The following DOCK2 variants were observed in gnomAD, a reference collection of about 807,000 sequenced individuals.
DOCK2 encodes the protein dedicator of cytokinesis protein 2.
In DOCK2, 87 loss-of-function variants were observed where a neutral mutation model predicts 248.9. The ratio of observed to expected loss-of-function variants is 0.35; its 90% CI spans 0.29 to 0.42. The LOEUF (loss-of-function observed/expected upper bound fraction) is 0.42, where lower values mean the gene tolerates loss of function less well. Ranked by LOEUF, DOCK2 falls within the 10% of genes least tolerant of loss-of-function variation. The probability of loss-of-function intolerance (pLI) is 1.00; values close to 1 mark genes in which losing one functional copy is unlikely to be tolerated. For synonymous variants in DOCK2, 805 were observed against 821.6 expected (o/e 0.98, Z 0.35); for missense variants, 1,747 against 2,300.2 (o/e 0.76, Z 4.92).
At chr5:169,912,036 C>T (rs1476931092) in intron 27 of DOCK2, among the ~76,000 whole-genome samples, 1 of 152,150 alleles carries the variant, frequency 6.6e-6, no homozygotes, top group African/African-American at 2.4e-5. Context: ...TAACTGCGTA[C>T]CTATGCACAT....
At chr5:169,961,340 C>G (rs1175822840) in intron 27 of DOCK2, among the ~76,000 whole-genome samples, 1 of 152,232 alleles carries the variant, frequency 6.6e-6, no homozygotes, top group Non-Finnish European at 1.5e-5. Flanking sequence ...TTGAACTACA[C>G]TGAACAGAAT....
chr5:170,049,969 A>G (rs1756856574), intron 40 of DOCK2, among the ~76,000 whole-genome samples: 1 of 152,186 alleles, frequency 6.6e-6, no homozygotes, highest in Non-Finnish European at 1.5e-5. Flanking sequence ...ACACAGTGAA[A>G]CCTGAGTGAG....
intron 27 of DOCK2, among the ~76,000 whole-genome samples, chr5:169,864,055 C>T (rs193105041): frequency 2.6e-4 from 40 of 152,228 alleles, no homozygotes; most frequent in African/African-American, 9.1e-4. Flanking sequence ...CTCTAGTGTC[C>T]GTGAAGCCCT....
chr5:169,880,543 T>C (rs987781521), intron 27 of DOCK2, among the ~76,000 whole-genome samples: 2 of 152,246 alleles, frequency 1.3e-5, no homozygotes, highest in Non-Finnish European at 2.9e-5. Flanking sequence ...ACCACTTTTC[T>C]ACTATGCCAT....
At chr5:169,883,028 C>T in intron 27 of DOCK2, 1 of 1,551,566 alleles carries the variant, frequency 6.4e-7, no homozygotes, top group Non-Finnish European at 8.7e-7. Context: ...GACAGTGAGC[C>T]AAGGTCTTTG....
intron 26 of DOCK2, among the ~76,000 whole-genome samples, chr5:169,837,792 T>C (rs1769682321): frequency 6.6e-6 from 1 of 152,216 alleles, no homozygotes; most frequent in Admixed American, 6.5e-5. Context: ...CACTCTGCTA[T>C]GCAACCTCCC....
chr5:170,052,426 C>T (rs6879630), intron 41 of DOCK2, among the ~76,000 whole-genome samples: 32,493 of 152,068 alleles, frequency 0.21, 4,295 homozygotes, highest in East Asian at 0.46. Context: ...TCCTGGGACA[C>T]AACATCTCCC....
At chr5:169,904,091 C>CAAA (rs57983281) in intron 27 of DOCK2, among the ~76,000 whole-genome samples, 7,041 of 69,940 alleles carry the variant, frequency 0.1, 338 homozygotes, top group East Asian at 0.24. Flanking sequence ...GACTTCGTCT[C>CAAA]AAAAAAAAAA....
intron 29 of DOCK2, among the ~76,000 whole-genome samples, chr5:169,995,174 G>A (rs969189288): frequency 4.0e-5 from 6 of 151,890 alleles, no homozygotes; most frequent in Non-Finnish European, 2.9e-5. Context: ...GATTACTGGC[G>A]TGCACCACAA....
chr5:169,999,254 T>G (rs558589162), intron 30 of DOCK2, among the ~76,000 whole-genome samples: 1 of 152,296 alleles, frequency 6.6e-6, no homozygotes, highest in African/African-American at 2.4e-5. Flanking sequence ...GCTGAGTGAC[T>G]TTAGACAAAT....
intron 5 of DOCK2, 125 bp downstream of exon 5, chr5:169,671,299 C>G: frequency 2.7e-6 from 2 of 731,046 alleles, no homozygotes; most frequent in Non-Finnish European, 4.6e-6. Flanking sequence ...AGAGCGCACA[C>G]TATTACGTGT....
intron 26 of DOCK2, among the ~76,000 whole-genome samples, chr5:169,813,031 C>T (rs952933022): frequency 1.6e-4 from 24 of 152,324 alleles, no homozygotes; most frequent in African/African-American, 4.3e-4. Context: ...ATTCCTGGAG[C>T]GACTGGAGAA....
chr5:170,028,043 C>A (rs1271192017), intron 34 of DOCK2, 95 bp downstream of exon 34: 1 of 1,107,508 alleles, frequency 9.0e-7, no homozygotes, highest in Non-Finnish European at 1.3e-6. Context: ...GCTCTGTCCT[C>A]CCCTGGAGAT....
chr5:169,676,500 A>G (rs1759343186), intron 6 of DOCK2, among the ~76,000 whole-genome samples: 1 of 152,140 alleles, frequency 6.6e-6, no homozygotes, highest in Admixed American at 6.5e-5. Context: ...CGTGGCACAG[A>G]CTGAGACCTC....
At chr5:169,647,237 G>A (rs758413325) in intron 1 of DOCK2, among the ~76,000 whole-genome samples, 6 of 152,208 alleles carry the variant, frequency 3.9e-5, no homozygotes, top group African/African-American at 7.2e-5. Flanking sequence ...CAGGTGCTCA[G>A]CGGCTGCTGA....
intron 2 of DOCK2, among the ~76,000 whole-genome samples, chr5:169,659,205 A>G (rs1463642579): frequency 6.6e-6 from 1 of 152,054 alleles, no homozygotes. Context: ...TGAAAAGAGC[A>G]CTGGCTTTTG....
intron 26 of DOCK2, among the ~76,000 whole-genome samples, chr5:169,813,305 C>T (rs1767869674): frequency 6.6e-6 from 1 of 152,170 alleles, no homozygotes; most frequent in African/African-American, 2.4e-5. Context: ...GAGCTGGCTC[C>T]ATTTTATTTT....
intron 25 of DOCK2, among the ~76,000 whole-genome samples, chr5:169,779,907 C>G (rs904906300): frequency 6.6e-6 from 1 of 152,010 alleles, no homozygotes; most frequent in South Asian, 2.1e-4. Context: ...ACTGTGGCCC[C>G]GTAGAGAGTG....
At chr5:169,973,304 C>T (rs985266201) in intron 27 of DOCK2, among the ~76,000 whole-genome samples, 1 of 152,188 alleles carries the variant, frequency 6.6e-6, no homozygotes, top group African/African-American at 2.4e-5. Flanking sequence ...GGGTTTAAAT[C>T]ATCCTCTACA....
Sources: allele counts gnomAD v4.1 joint callset (sites outside exome capture counted in the v4.1 genomes callset), GRCh38; gene constraint gnomAD v4.1.1; transcripts MANE v1.5; gene names NCBI Gene and HGNC (gene_info 2026-07-23, HGNC 2026-07-21).